Variants in SLC39A11 observed in about 807,000 individuals in gnomAD.
The protein encoded by SLC39A11 is solute carrier family 39 member 11, also known as zinc transporter ZIP11.
In SLC39A11, 33 loss-of-function variants were observed where a neutral mutation model predicts 36.1. That is an observed-to-expected ratio of 0.91 (90% CI 0.69 to 1.22). SLC39A11 has a LOEUF of 1.22. Ranked by LOEUF, SLC39A11 falls within the 50% of genes most tolerant of loss-of-function variation. The pLI, the probability that SLC39A11 is intolerant of heterozygous loss-of-function variation, is 0.00. For missense variants in SLC39A11, 432 were observed against 430.3 expected, an observed-to-expected ratio of 1.00 and a Z score of -0.03; for synonymous variants, 166 against 170.3, an observed-to-expected ratio of 0.97 and a Z score of 0.20.
intron 4 of SLC39A11, among the ~76,000 whole-genome samples, chr17:73,011,092 G>GCACACAGA (rs56387751): frequency 1.3e-5 from 2 of 152,230 alleles, no homozygotes; most frequent in African/African-American, 4.8e-5. Context: ...AGGCACACAG[G>GCACACAGA]TGATGACAGC....
At chr17:72,786,475 A>T (rs1017792578) in intron 6 of SLC39A11, among the ~76,000 whole-genome samples, 2 of 152,154 alleles carry the variant, frequency 1.3e-5, no homozygotes, top group Non-Finnish European at 2.9e-5. Flanking sequence ...CTTTCCATCA[A>T]GATAGGAAAG....
chr17:72,842,497 A>G (rs962137406), intron 6 of SLC39A11, among the ~76,000 whole-genome samples: 9 of 152,206 alleles, frequency 5.9e-5, no homozygotes, highest in Admixed American at 1.3e-4. Flanking sequence ...TGTTGAGACC[A>G]TAAGGTACTC....
intron 4 of SLC39A11, among the ~76,000 whole-genome samples, chr17:72,995,082 C>T (rs1483252647): frequency 2.0e-5 from 3 of 152,184 alleles, no homozygotes; most frequent in Non-Finnish European, 4.4e-5. Flanking sequence ...GCCCTGCCTT[C>T]CTGTCTTGAC....
chr17:72,968,656 G>A (rs2087197472), intron 4 of SLC39A11, among the ~76,000 whole-genome samples: 1 of 152,098 alleles, frequency 6.6e-6, no homozygotes, highest in Admixed American at 6.6e-5. Flanking sequence ...CCGCCCATCA[G>A]CACCTACAGG....
chr17:72,715,121 A>T (rs919301248), intron 7 of SLC39A11, among the ~76,000 whole-genome samples: 4 of 152,092 alleles, frequency 2.6e-5, no homozygotes, highest in African/African-American at 9.7e-5. Context: ...GGCTGCATAC[A>T]TCTCATGCAC....
chr17:72,724,141 C>T (rs573520699), intron 7 of SLC39A11, among the ~76,000 whole-genome samples: 1 of 151,674 alleles, frequency 6.6e-6, no homozygotes, highest in African/African-American at 2.4e-5. Flanking sequence ...TTATTGGGAG[C>T]TTGAAAAGCA....
intron 5 of SLC39A11, among the ~76,000 whole-genome samples, chr17:72,900,200 A>AGAAGGAAGGAAGGAAG (rs1567912992): frequency 2.2e-5 from 3 of 136,702 alleles, no homozygotes; most frequent in African/African-American, 8.9e-5. Context: ...AAAGAAAGAA[A>AGAAGGAAGGAAGGAAG]GAAAGAAAGA....
intron 4 of SLC39A11, among the ~76,000 whole-genome samples, chr17:72,966,296 C>A (rs752555736): frequency 2.6e-5 from 4 of 152,282 alleles, no homozygotes; most frequent in Non-Finnish European, 5.9e-5. Context: ...AAAATTGTGA[C>A]CTCCACGCAA....
rs76522371 is a variant in SLC39A11 at position 73,034,741 on chromosome 17, G to A, written c.148-3027C>T. Among the ~76,000 whole-genome samples the A allele has an allele frequency of 3.6e-3, 541 of 152,240 alleles. 6 individuals are homozygous for A. Among genetic ancestry groups the A allele is most frequent in the South Asian group, 0.028 (137 of 4,822 alleles). On this transcript the variant is annotated intron_variant, in intron 3 of 9. Transcript: ENST00000255559. ...GCTCTCATCTCCTTTTCAACCCCAG[G>A]TCCAAACTCTTCTGTCCACATTTCC...
At position 72,646,768 on chromosome 17, in the gene SLC39A11, A is replaced by AT. The variant is rs1372844226; in HGVS notation, c.*815dup. 6.6e-6 allele frequency: 1 copy of AT among 152,600 alleles called. No homozygotes were observed. Among genetic ancestry groups the AT allele is most frequent in the Non-Finnish European group, 1.5e-5 (1 of 68,030 alleles). The allele number at this position is 152,600 out of a possible 1,614,324, so 9.5% of individuals were successfully genotyped here. A position where few individuals can be genotyped will look rare whatever the true frequency, so the allele number is the denominator to read the frequency against. ...TTAGAAACATGATGGCTATAAACTT[A>AT]TCAAAATAAATGCCTAAGAAATTTG... On this transcript the variant is annotated 3_prime_UTR_variant, in exon 10 of 10. Coordinates refer to ENST00000255559, the MANE Select transcript of SLC39A11 (RefSeq NM_139177.4).
At chr17:72,672,257 T>C (rs952719779) in intron 7 of SLC39A11, among the ~76,000 whole-genome samples, 2 of 152,198 alleles carry the variant, frequency 1.3e-5, no homozygotes, top group Non-Finnish European at 2.9e-5. Flanking sequence ...GAGACCAACC[T>C]GGCCAACACA....
intron 6 of SLC39A11, among the ~76,000 whole-genome samples, chr17:72,812,347 A>G (rs998565203): frequency 3.3e-5 from 5 of 152,172 alleles, no homozygotes. Flanking sequence ...TTTGGTTTCT[A>G]TTTGAAATCA....
chr17:72,765,328 A>G (rs1239760854), intron 6 of SLC39A11, among the ~76,000 whole-genome samples: 1 of 152,134 alleles, frequency 6.6e-6, no homozygotes, highest in East Asian at 1.9e-4. Context: ...CCACACCCCA[A>G]TGATTGCATT....
At chr17:73,022,467 C>T (rs1401208983) in intron 4 of SLC39A11, among the ~76,000 whole-genome samples, 2 of 151,944 alleles carry the variant, frequency 1.3e-5, no homozygotes, top group Admixed American at 6.6e-5. Context: ...TGGTGGTGCA[C>T]ACCTATAATA....
intron 5 of SLC39A11, among the ~76,000 whole-genome samples, chr17:72,903,149 C>CACTGAAG (rs2082480445): frequency 6.6e-6 from 1 of 151,784 alleles, no homozygotes; most frequent in South Asian, 2.1e-4. Context: ...GCCTGTAATC[C>CACTGAAG]CAGCTACTTG....
At chr17:72,848,267 G>A (rs1194623841) in intron 6 of SLC39A11, among the ~76,000 whole-genome samples, 1 of 152,166 alleles carries the variant, frequency 6.6e-6, no homozygotes, top group East Asian at 1.9e-4. Flanking sequence ...ATTTCAAAAT[G>A]CATCCCAAAT....
intron 4 of SLC39A11, among the ~76,000 whole-genome samples, chr17:73,011,589 T>A (rs926223265): frequency 7.3e-5 from 11 of 151,348 alleles, no homozygotes; most frequent in African/African-American, 2.7e-4. Flanking sequence ...AATGAATAAG[T>A]CCTGCTATAC....
At chr17:72,885,391 G>C (rs570601480) in intron 5 of SLC39A11, among the ~76,000 whole-genome samples, 259 of 152,180 alleles carry the variant, frequency 1.7e-3, no homozygotes, top group African/African-American at 5.8e-3. Context: ...TAATCCTGTA[G>C]GCTACGGGCT....
intron 6 of SLC39A11, among the ~76,000 whole-genome samples, chr17:72,788,330 G>C (rs536243437): frequency 6.6e-6 from 1 of 152,230 alleles, no homozygotes; most frequent in East Asian, 1.9e-4. Context: ...ATTTCCCCTT[G>C]TTTCCATGCA....
Sources: allele counts gnomAD v4.1 joint callset (sites outside exome capture counted in the v4.1 genomes callset), GRCh38; gene constraint gnomAD v4.1.1; transcripts MANE v1.5; gene names NCBI Gene and HGNC (gene_info 2026-07-23, HGNC 2026-07-21).